Variants in GABRA4 observed in about 807,000 individuals in gnomAD.
The protein encoded by GABRA4 is gamma-aminobutyric acid type A receptor subunit alpha4, also known as gamma-aminobutyric acid receptor subunit alpha-4.
In GABRA4, 12 loss-of-function variants were observed where a neutral mutation model predicts 49.7. That is an observed-to-expected ratio of 0.24 (90% confidence interval 0.15 to 0.39). GABRA4 has a LOEUF of 0.39. Ranked by LOEUF, GABRA4 falls within the 10% of genes least tolerant of loss-of-function variation. The probability of loss-of-function intolerance (pLI) is 1.00; values close to 1 mark genes in which losing one functional copy is unlikely to be tolerated. For missense variants in GABRA4, 506 were observed against 686.0 expected (o/e 0.74, Z 2.93); for synonymous variants, 288 against 240.2 (o/e 1.20, Z -1.84).
At chr4:46,947,158 T>C (rs967104819) in intron 8 of GABRA4, among the ~76,000 whole-genome samples, 3 of 151,994 alleles carry the variant, frequency 2.0e-5, no homozygotes. Flanking sequence ...ATGTTGCTCA[T>C]GCCTTCATTT....
chr4:46,973,637 A>C (rs1378990233), intron 6 of GABRA4, among the ~76,000 whole-genome samples: 1 of 151,878 alleles, frequency 6.6e-6, no homozygotes, highest in Non-Finnish European at 1.5e-5. Flanking sequence ...AGCAATAATC[A>C]GCTAATTTTT....
chr4:46,970,402 A>G (rs959024010), intron 7 of GABRA4, among the ~76,000 whole-genome samples: 1 of 151,556 alleles, frequency 6.6e-6, no homozygotes, highest in East Asian at 1.9e-4. Flanking sequence ...TAAAATAAAT[A>G]TAATTATAAC....
chr4:46,934,051 A>T (rs2109340282), intron 8 of GABRA4, among the ~76,000 whole-genome samples: 1 of 152,294 alleles, frequency 6.6e-6, no homozygotes, highest in East Asian at 1.9e-4. Context: ...AGCAGCAATG[A>T]GATAAAGTGA....
chr4:46,987,669 C>T (rs1342113893), intron 2 of GABRA4, among the ~76,000 whole-genome samples: 4 of 152,028 alleles, frequency 2.6e-5, no homozygotes, highest in African/African-American at 7.2e-5. Context: ...CTTTAATCAA[C>T]TTACATATAT....
chr4:46,924,567 GA>G lies in GABRA4; in HGVS notation c.*3657del, dbSNP rs1381784086. The G allele has an allele frequency of 1.3e-5, 2 of 152,020 alleles. No homozygotes were observed. Among genetic ancestry groups the G allele is most frequent in the African/African-American group, 4.8e-5 (2 of 41,418 alleles). The allele number at this position is 152,020 out of a possible 1,614,324, so 9.4% of individuals were successfully genotyped here. On this transcript the variant is annotated 3_prime_UTR_variant, in exon 9 of 9. Transcript: ENST00000264318. ...GTGAATAAAAGCCCAGGAAATCCCA[GA>G]AAAGAGAAATAGCCAATATTCTACT...
At chr4:46,933,220 GCA>G (rs1326042357) in intron 8 of GABRA4, among the ~76,000 whole-genome samples, 1 of 152,086 alleles carries the variant, frequency 6.6e-6, no homozygotes, top group South Asian at 2.1e-4. Context: ...GTAGATTAAT[GCA>G]CACAGTAGGC....
chr4:46,932,061 A>T (rs1326066389), intron 8 of GABRA4, among the ~76,000 whole-genome samples: 1 of 152,064 alleles, frequency 6.6e-6, no homozygotes, highest in Non-Finnish European at 1.5e-5. Context: ...AAAGGTCCTG[A>T]TGGGAGGTGC....
Position 46,992,756 on chromosome 4 carries a change from C to CACAG in GABRA4, c.205+68_205+71dup, listed in dbSNP as rs1049347920. 7.4e-6 allele frequency: 8 copies of CACAG among 1,082,662 alleles called. No homozygotes were observed. In the Admixed American group the frequency reaches 8.5e-5, roughly 11 times the overall value. The allele number at this position is 1,082,662 out of a possible 1,614,324, so 67.1% of individuals were successfully genotyped here. The stretch of plus-strand genomic sequence containing the variant: ...CGTGAGGCATACCTAATGATATTCC[C>CACAG]ACAGACAGACAGACAGGAAGACCAA... On this transcript the variant is annotated intron_variant, in intron 2 of 8. Transcript: ENST00000264318.
chr4:46,931,405 C>T (rs1721430680), intron 8 of GABRA4, among the ~76,000 whole-genome samples: 1 of 152,044 alleles, frequency 6.6e-6, no homozygotes, highest in African/African-American at 2.4e-5. Flanking sequence ...TTTACTGCCC[C>T]CCAAAACAAA....
rs1298430484 is a variant in GABRA4 at position 46,993,342 on chromosome 4, A to C, written c.83T>G (p.Val28Gly). Residue 28 changes from valine to glycine, a missense_variant, in exon 1 of 9, where the codon GTT (valine) becomes GGT (glycine). Physicochemically the swap from Val to Gly is moderately radical, Grantham distance 109. Coordinates refer to ENST00000264318, the MANE Select transcript of GABRA4 (RefSeq NM_000809.4). ...CCTCGCACCCCAGAGAACTCACCAA[A>C]CCGCCAGGCACAGGAAGCGCAGGAG... ...FALLRFLCLA[V>G]CLNESPGQNQ... is the part of the protein sequence containing the mutation. The C allele has an allele frequency of 1.2e-6, 2 of 1,613,956 alleles. No homozygotes were observed. Among genetic ancestry groups the C allele is most frequent in the Non-Finnish European group, 1.7e-6 (2 of 1,179,928 alleles).
intron 8 of GABRA4, among the ~76,000 whole-genome samples, chr4:46,942,554 G>T (rs1428968173): frequency 6.6e-6 from 1 of 151,728 alleles, no homozygotes; most frequent in African/African-American, 2.4e-5. Context: ...GAACGCGGAA[G>T]GTGGAGTTTG....
At chr4:46,957,969 CA>C (rs890188110) in intron 8 of GABRA4, among the ~76,000 whole-genome samples, 5 of 151,782 alleles carry the variant, frequency 3.3e-5, no homozygotes, top group Non-Finnish European at 5.9e-5. Context: ...GAAATATGAA[CA>C]AAAATATTCT....
At chr4:46,952,498 A>C (rs1197806965) in intron 8 of GABRA4, among the ~76,000 whole-genome samples, 1 of 152,142 alleles carries the variant, frequency 6.6e-6, no homozygotes, top group Non-Finnish European at 1.5e-5. Flanking sequence ...ATATCCTCTA[A>C]TTCATTTAAG....
intron 8 of GABRA4, among the ~76,000 whole-genome samples, chr4:46,948,003 A>G (rs1722039061): frequency 6.6e-6 from 1 of 152,120 alleles, no homozygotes; most frequent in African/African-American, 2.4e-5. Context: ...GTCAGCCAGA[A>G]TGCCTTACAG....
chr4:46,938,884 CA>C lies in GABRA4; in HGVS notation c.1135-10130del, dbSNP rs551919328. 1.8e-3 allele frequency among the ~76,000 whole-genome samples: 278 copies of C among 151,894 alleles called. 2 individuals carry two copies. The highest frequency in any genetic ancestry group is 6.6e-3 in the African/African-American group (272 of 41,462). ...GTTATTTTGCTGGGCATTGGGAGCA[CA>C]GGGGTGAAAAATAATACACTCCTTG... On this transcript the variant is annotated intron_variant, in intron 8 of 8. Transcript: ENST00000264318.
At chr4:46,950,547 A>G (rs188077867) in intron 8 of GABRA4, among the ~76,000 whole-genome samples, 1 of 151,992 alleles carries the variant, frequency 6.6e-6, no homozygotes, top group Admixed American at 6.6e-5. Flanking sequence ...TTTCTCTAGC[A>G]AAATGGCATT....
intron 8 of GABRA4, 64 bp downstream of exon 8, chr4:46,964,906 C>T: frequency 6.8e-6 from 10 of 1,469,094 alleles, no homozygotes; most frequent in Middle Eastern, 2.0e-4. Context: ...AGTTTGTTTC[C>T]CTGACAAAAT....
intron 2 of GABRA4, among the ~76,000 whole-genome samples, chr4:46,985,174 G>A (rs1723488451): frequency 6.6e-6 from 1 of 151,998 alleles, no homozygotes; most frequent in South Asian, 2.1e-4. Context: ...ATTATATATA[G>A]CAAGTTCAAA....
At chr4:46,986,053 G>A (rs372323243) in intron 2 of GABRA4, among the ~76,000 whole-genome samples, 1 of 151,932 alleles carries the variant, frequency 6.6e-6, no homozygotes, top group African/African-American at 2.4e-5. Context: ...CGGTACCTCT[G>A]ATTCTTCTTA....
Sources: gnomAD v4.1 joint callset for allele counts (sites outside exome capture counted in the v4.1 genomes callset) on GRCh38, gnomAD v4.1.1 for gene constraint, MANE v1.5 for transcripts, NCBI Gene and HGNC (gene_info 2026-07-23, HGNC 2026-07-21) for gene names.